Variants in PTPN4 observed in about 807,000 individuals in gnomAD.
PTPN4 encodes protein tyrosine phosphatase non-receptor type 4, also known as tyrosine-protein phosphatase non-receptor type 4.
A neutral mutation model predicts 135.5 loss-of-function variants in PTPN4; 49 were observed. The observed-to-expected ratio is 0.36, with a 90% CI of 0.29 to 0.46. The LOEUF (loss-of-function observed/expected upper bound fraction) is 0.46, where lower values mean the gene tolerates loss of function less well. PTPN4 is among the 20% of genes least tolerant of loss of function. PTPN4 has a pLI of 1.00. For synonymous variants in PTPN4, 333 were observed against 369.9 expected, an observed-to-expected ratio of 0.90 and a Z score of 1.14; for missense variants, 860 against 1,101.0, an observed-to-expected ratio of 0.78 and a Z score of 3.10.
intron 15 of PTPN4, chr2:119,935,159 T>G (rs1379420820): frequency 8.4e-6 from 5 of 597,836 alleles, no homozygotes; most frequent in African/African-American, 5.6e-5. Flanking sequence ...TATGTTGTTA[T>G]TTTGTTGACT....
At chr2:119,792,676 A>G (rs544415392) in intron 1 of PTPN4, among the ~76,000 whole-genome samples, 6 of 152,222 alleles carry the variant, frequency 3.9e-5, no homozygotes, top group African/African-American at 4.8e-5. Flanking sequence ...CAGAATATCT[A>G]TCGGGGAACC....
intron 2 of PTPN4, among the ~76,000 whole-genome samples, chr2:119,846,033 C>T (rs1406982251): frequency 6.6e-6 from 1 of 152,006 alleles, no homozygotes; most frequent in African/African-American, 2.4e-5. Flanking sequence ...AGTTTGATTC[C>T]ATTTGTTGTT....
chr2:119,878,720 G>T (rs1243393102), intron 5 of PTPN4, among the ~76,000 whole-genome samples: 1 of 145,740 alleles, frequency 6.9e-6, no homozygotes, highest in Admixed American at 6.9e-5. Context: ...ACAAATGGGA[G>T]AACTCAGTAA....
chr2:119,944,647 G>A (rs1289907673), intron 15 of PTPN4, among the ~76,000 whole-genome samples: 2 of 151,996 alleles, frequency 1.3e-5, no homozygotes, highest in Non-Finnish European at 1.5e-5. Flanking sequence ...TCCATGAATC[G>A]TATTTTATTT....
intron 2 of PTPN4, among the ~76,000 whole-genome samples, chr2:119,816,995 C>G (rs1012792274): frequency 6.6e-6 from 1 of 152,150 alleles, no homozygotes; most frequent in African/African-American, 2.4e-5. Flanking sequence ...ATGTAATGCT[C>G]GAATTCTTTT....
intron 22 of PTPN4, among the ~76,000 whole-genome samples, chr2:119,960,096 A>G (rs1284018860): frequency 2.0e-5 from 3 of 152,210 alleles, no homozygotes; most frequent in Non-Finnish European, 4.4e-5. Context: ...TGAGAAGGCT[A>G]TATGACAAAC....
chr2:119,979,730 G>GT lies in PTPN4; in HGVS notation c.*2661dup, dbSNP rs1302925726. 6.6e-6 allele frequency: 1 copy of GT among 152,020 alleles called. No individual in the cohort carries two copies. Among genetic ancestry groups the GT allele is most frequent in the Non-Finnish European group, 1.5e-5 (1 of 67,948 alleles). 9.4% of individuals were successfully genotyped at this position (152,020 alleles called of 1,614,324 possible). A position where few individuals can be genotyped will look rare whatever the true frequency, so the allele number is the denominator to read the frequency against. ...TGTGTGATAAAATGCCAAATGTCTT[G>GT]TATCTAAGCTACGCTCCCACTCTTC... is the stretch of plus-strand genomic sequence containing the variant. On this transcript the variant is annotated 3_prime_UTR_variant, in exon 27 of 27. Transcript: ENST00000263708.
intron 5 of PTPN4, among the ~76,000 whole-genome samples, chr2:119,879,518 A>G (rs1479811008): frequency 1.3e-5 from 2 of 152,216 alleles, no homozygotes; most frequent in Non-Finnish European, 2.9e-5. Flanking sequence ...TAGAAATTAG[A>G]ATCATTTGGG....
At chr2:119,873,272 A>G (rs1429933284) in intron 3 of PTPN4, among the ~76,000 whole-genome samples, 1 of 152,070 alleles carries the variant, frequency 6.6e-6, no homozygotes, top group Non-Finnish European at 1.5e-5. Context: ...AAATAGAAGA[A>G]GCTCACTGAA....
intron 2 of PTPN4, among the ~76,000 whole-genome samples, chr2:119,814,557 C>T (rs570790006): frequency 6.6e-6 from 1 of 152,246 alleles, no homozygotes; most frequent in African/African-American, 2.4e-5. Context: ...TGAACTTGCT[C>T]CTAGGCCTTT....
At chr2:119,914,397 C>T (rs955996280) in intron 10 of PTPN4, among the ~76,000 whole-genome samples, 1 of 151,856 alleles carries the variant, frequency 6.6e-6, no homozygotes, top group Non-Finnish European at 1.5e-5. Flanking sequence ...GTCTCTTCTT[C>T]CCTATTCCAA....
In PTPN4 at chr2:119,877,465, A is replaced by G. The variant is rs1458624369; in HGVS notation, c.291A>G (p.Arg97=). Reference sequence around the variant, plus strand: ...TAGAACTACTTTTATTAATTCTAGGAGGATCTCCTTACAGTTTGAACTTTA... The same window carrying G: ...TAGAACTACTTTTATTAATTCTAGGGGGATCTCCTTACAGTTTGAACTTTA... The part of the protein sequence containing the change: ...PNKPIRKQLK[R]GSPYSLNFRV... Residue 97 remains arginine, a splice_region_variant and synonymous_variant, in exon 5 of 27, where the codon AGA becomes AGG. Transcript: ENST00000263708. The G allele has an allele frequency of 4.3e-6, 7 of 1,609,776 alleles. No homozygotes were observed. In the South Asian group the frequency reaches 7.8e-5, roughly 18 times the overall value.
rs11900048 is a variant in PTPN4 at position 119,778,543 on chromosome 2, C to T, written c.-18+18159C>T. Among the ~76,000 whole-genome samples the T allele has an allele frequency of 9.5e-4, 144 of 152,238 alleles. 2 individuals are homozygous for T. Among genetic ancestry groups the T allele is most frequent in the African/African-American group, 3.2e-3 (131 of 41,526 alleles). On this transcript the variant is annotated intron_variant, in intron 1 of 26. Transcript: ENST00000263708. ...ATATTGAAGGCATAGGTTTAGAGAA[C>T]TCTGTAGGGCCTTAGTGGGTCGGGA... is the stretch of plus-strand genomic sequence containing the variant.
intron 20 of PTPN4, 64 bp from the exon 21 acceptor site, chr2:119,956,780 G>A (rs940392774): frequency 6.4e-7 from 1 of 1,573,728 alleles, no homozygotes. Flanking sequence ...AAACAAGTCT[G>A]GTAAACAAAA....
At chr2:119,768,585 T>C (rs1300581163) in intron 1 of PTPN4, among the ~76,000 whole-genome samples, 1 of 152,222 alleles carries the variant, frequency 6.6e-6, no homozygotes, top group Non-Finnish European at 1.5e-5. Flanking sequence ...TCCCTTTCTG[T>C]ATTTGTAAAT....
Position 119,957,043 on chromosome 2 carries a change from G to A in PTPN4, c.2099G>A (p.Gly700Asp). 6.2e-7 allele frequency: 1 copy of A among 1,610,316 alleles called. No individual in the cohort carries two copies. Among genetic ancestry groups the A allele is most frequent in the Non-Finnish European group, 8.5e-7 (1 of 1,178,572 alleles). ...PYDATRVILK[G>D]NEDYINANYI... ...GATGCCACACGGGTCATTTTAAAAG[G>A]TAATGAAGACTACATCAATGCGAAC... The change falls in exon 22 of 27, where the codon GGT becomes GAT. Residue 700 changes from glycine to aspartate, a missense_variant. Around this residue, in one of 2 missense-constraint regions of PTPN4, gnomAD observed 176 missense variants for 294.1 expected, o/e 0.60. Transcript: ENST00000263708.
At chr2:119,959,221 G>T (rs1335709010) in intron 22 of PTPN4, among the ~76,000 whole-genome samples, 1 of 145,276 alleles carries the variant, frequency 6.9e-6, no homozygotes, top group Non-Finnish European at 1.5e-5. Context: ...AGCTACTTAG[G>T]AATATATCTC....
At chr2:119,847,056 T>C (rs1176831565) in intron 2 of PTPN4, among the ~76,000 whole-genome samples, 5 of 150,726 alleles carry the variant, frequency 3.3e-5, no homozygotes, top group Non-Finnish European at 5.9e-5. Context: ...AGCCTTCTAT[T>C]GATCATTTCT....
At position 119,925,844 on chromosome 2, in the gene PTPN4, T is replaced by C. The variant is rs114603804; in HGVS notation, c.1002-754T>C. ...AAAGTATCCAGAGGATTAACATCAT[T>C]ATTCTAATGTGGAAATACAAAACAG... On this transcript the variant is annotated intron_variant, in intron 12 of 26. Coordinates refer to ENST00000263708, the MANE Select transcript of PTPN4 (RefSeq NM_002830.4). Among the ~76,000 whole-genome samples, 956 of 152,326 alleles carry C rather than the reference T, an allele frequency of 6.3e-3. 5 individuals carry two copies. The highest frequency in any genetic ancestry group is 0.021 in the African/African-American group (858 of 41,566).
Sources: gnomAD v4.1 joint callset for allele counts (sites outside exome capture counted in the v4.1 genomes callset) on GRCh38, gnomAD v4.1.1 for gene constraint, gnomAD v4.1.1 regional missense constraint, MANE v1.5 for transcripts, NCBI Gene and HGNC (gene_info 2026-07-23, HGNC 2026-07-21) for gene names.